Variants in GK observed in about 807,000 individuals in gnomAD.
The protein encoded by GK is ATP:glycerol 3-phosphotransferase.
GK carries 9 observed loss-of-function variants against 56.4 expected under a neutral mutation model. That is an observed-to-expected ratio of 0.16 (90% CI 0.10 to 0.28). The LOEUF (loss-of-function observed/expected upper bound fraction) is 0.28, where lower values mean the gene tolerates loss of function less well. Among genes scored for constraint, GK ranks in the 10% least tolerant of loss-of-function variants. The pLI, the probability that GK is intolerant of heterozygous loss-of-function variation, is 1.00. For missense variants in GK, 161 were observed against 431.4 expected, an observed-to-expected ratio of 0.37 and a Z score of 5.55; for synonymous variants, 104 against 144.1, an observed-to-expected ratio of 0.72 and a Z score of 1.99.
chrX:30,712,108 A>G (rs758296805), intron 13 of GK, among the ~76,000 whole-genome samples: 1 of 112,009 alleles, frequency 8.9e-6, no homozygotes, highest in South Asian at 3.7e-4. Context: ...ACTCAACATT[A>G]TGTTTGTGAG....
intron 20 of GK, among the ~76,000 whole-genome samples, chrX:30,727,973 G>T (rs1034681384): frequency 1.8e-5 from 2 of 111,174 alleles, no homozygotes; most frequent in Non-Finnish European, 3.8e-5. Context: ...TTCAATTCTG[G>T]CAAGTTTCAG....
intron 4 of GK, among the ~76,000 whole-genome samples, chrX:30,679,521 G>A (rs1934162852): frequency 8.9e-6 from 1 of 111,895 alleles, no homozygotes; most frequent in African/African-American, 3.2e-5. Flanking sequence ...TGTAAAAATG[G>A]AACTTTGGAC....
Position 30,696,700 on chromosome X carries a change from C to A in GK, c.729+17C>A, listed in dbSNP as rs41305205. 76,774 of 1,143,472 alleles carry A rather than the reference C, an allele frequency of 0.067. 2,145 individuals carry two copies. Among genetic ancestry groups the A allele is most frequent in the Non-Finnish European group, 0.078 (65,373 of 837,963 alleles). 94.2% of individuals were successfully genotyped at this position (1,143,472 alleles called of 1,213,427 possible). A position where few individuals can be genotyped will look rare whatever the true frequency, so the allele number is the denominator to read the frequency against. On this transcript the variant is annotated intron_variant, in intron 8 of 20. Coordinates refer to ENST00000427190, the MANE Select transcript of GK (RefSeq NM_001205019.2). ...GGCCTAATGGTAAAAAACAAACAAA[C>A]AAACAAAAAACACACCAAAAAACCA...
intron 1 of GK, among the ~76,000 whole-genome samples, chrX:30,660,194 A>T (rs1932647925): frequency 9.9e-6 from 1 of 100,953 alleles, no homozygotes; most frequent in South Asian, 4.0e-4. Flanking sequence ...ACTTATAGGT[A>T]ATAGTAATAA....
At position 30,731,370 on chromosome X, in the gene GK, T is replaced by G. The variant is rs1352777970; in HGVS notation, c.*2628T>G. ...CTCTTTAATAGCTTGTTTTATCTAGTAATATTTAAATAATGAAGTTTCCTT... is the reference window on the plus strand; with the variant it reads ...CTCTTTAATAGCTTGTTTTATCTAGGAATATTTAAATAATGAAGTTTCCTT... On this transcript the variant is annotated 3_prime_UTR_variant, in exon 21 of 21. Transcript: ENST00000427190. 8.9e-6 allele frequency: 1 copy of G among 112,087 alleles called. No individual in the cohort carries two copies. The highest frequency in any genetic ancestry group is 3.2e-5 in the African/African-American group (1 of 30,904). The allele number at this position is 112,087 out of a possible 1,213,427, so 9.2% of individuals were successfully genotyped here. A position where few individuals can be genotyped will look rare whatever the true frequency, so the allele number is the denominator to read the frequency against.
At chrX:30,711,793 A>C (rs893829139) in intron 13 of GK, among the ~76,000 whole-genome samples, 1 of 111,709 alleles carries the variant, frequency 9.0e-6, no homozygotes, top group Admixed American at 9.5e-5. Flanking sequence ...AAAAATTATT[A>C]TAAAGGCTCA....
chrX:30,659,054 G>A (rs780348180), intron 1 of GK, among the ~76,000 whole-genome samples: 23 of 112,115 alleles, frequency 2.1e-4, no homozygotes, highest in South Asian at 3.7e-4. Flanking sequence ...TTGAGACAGA[G>A]TTTCACTCTT....
intron 3 of GK, among the ~76,000 whole-genome samples, chrX:30,668,447 CTT>C (rs1933234068): frequency 8.9e-6 from 1 of 112,012 alleles, no homozygotes; most frequent in South Asian, 3.7e-4. Context: ...GGATGTGACA[CTT>C]TTGCTGAGCT....
intron 8 of GK, 127 bp downstream of exon 8, chrX:30,696,810 T>A (rs1935269836): frequency 5.6e-6 from 3 of 536,849 alleles, no homozygotes; most frequent in Non-Finnish European, 9.7e-6. Context: ...GTCAACTGTG[T>A]TATGTTTTGT....
At chrX:30,699,317 G>GTATATATATAACATGTT (rs1569162254) in intron 9 of GK, among the ~76,000 whole-genome samples, 22 of 93,295 alleles carry the variant, frequency 2.4e-4, no homozygotes, top group South Asian at 2.0e-3. Flanking sequence ...TATATAACAT[G>GTATATATATAACATGTT]TTATATATAT....
At chrX:30,692,385 A>G (rs1236029903) in intron 5 of GK, among the ~76,000 whole-genome samples, 1 of 111,849 alleles carries the variant, frequency 8.9e-6, no homozygotes, top group Non-Finnish European at 1.9e-5. Flanking sequence ...GATATTATGT[A>G]CTACCTCGCT....
chrX:30,704,603 C>T lies in GK; in HGVS notation c.852-2953C>T, dbSNP rs773310707. Among the ~76,000 whole-genome samples the T allele has an allele frequency of 3.8e-5, 4 of 105,885 alleles. No individual in the cohort carries two copies. In the South Asian group the frequency reaches 1.3e-3, roughly 34 times the overall value. The allele number at this position is 105,885 out of a possible 115,157, so 91.9% of individuals were successfully genotyped here. A position where few individuals can be genotyped will look rare whatever the true frequency, so the allele number is the denominator to read the frequency against. On this transcript the variant is annotated intron_variant, in intron 11 of 20. Transcript: ENST00000427190. Reference sequence around the variant, plus strand: ...TTTTTTTTTTTTTGAGATGGAGTCTCGCTCTGTCACCAGGCTGGAGTGCAG... The same window carrying T: ...TTTTTTTTTTTTTGAGATGGAGTCTTGCTCTGTCACCAGGCTGGAGTGCAG...
At chrX:30,711,116 T>C (rs150097307) in intron 13 of GK, among the ~76,000 whole-genome samples, 466 of 75,038 alleles carry the variant, frequency 6.2e-3, no homozygotes, top group African/African-American at 0.023. Flanking sequence ...TTTTTTCCTT[T>C]TTTTCTTCTT....
chrX:30,724,991 G>A (rs1042931781), intron 19 of GK, among the ~76,000 whole-genome samples: 1 of 108,962 alleles, frequency 9.2e-6, no homozygotes, highest in Non-Finnish European at 1.9e-5. Flanking sequence ...AATGATTTTC[G>A]TGCCTCAGCC....
chrX:30,728,896 A>G lies in GK; in HGVS notation c.*154A>G. On this transcript the variant is annotated 3_prime_UTR_variant, in exon 21 of 21. Transcript: ENST00000427190. ...ACCCTCCAAGTAGACCTGTGGCTTA[A>G]AATAAAGAAAATGCAGCAAAAAGAA... 2.1e-6 allele frequency: 1 copy of G among 486,367 alleles called. No individual in the cohort carries two copies. The highest frequency in any genetic ancestry group is 2.4e-5 in the African/African-American group (1 of 41,998). The allele number at this position is 486,367 out of a possible 1,213,427, so 40.1% of individuals were successfully genotyped here.
Position 30,707,613 on chromosome X carries a change from TTAAA to T in GK, c.894+16_894+19del. On this transcript the variant is annotated intron_variant, in intron 12 of 20. Transcript: ENST00000427190. ...CAGGCCATAAGGTTGGTTTTTTAAA[TTAAA>T]AAATTGATTTAAAAGTCTAAGTTCA... The T allele has an allele frequency of 1.1e-6, 1 of 931,251 alleles. No individual in the cohort carries two copies. Among genetic ancestry groups the T allele is most frequent in the Non-Finnish European group, 1.6e-6 (1 of 642,180 alleles). 76.7% of individuals were successfully genotyped at this position (931,251 alleles called of 1,213,427 possible).
At chrX:30,657,084 C>T (rs917166535) in intron 1 of GK, among the ~76,000 whole-genome samples, 23 of 112,255 alleles carry the variant, frequency 2.0e-4, no homozygotes, top group African/African-American at 6.1e-4. Flanking sequence ...CTCCTGACGT[C>T]GTGATCCACC....
intron 4 of GK, among the ~76,000 whole-genome samples, chrX:30,683,467 C>T (rs1008791995): frequency 9.0e-6 from 1 of 111,168 alleles, no homozygotes; most frequent in African/African-American, 3.3e-5. Flanking sequence ...ACTTGATAAG[C>T]AATAATTCAC....
At chrX:30,692,500 A>G (rs1480748583) in intron 5 of GK, among the ~76,000 whole-genome samples, 1 of 108,581 alleles carries the variant, frequency 9.2e-6, no homozygotes, top group East Asian at 2.9e-4. Context: ...TTTTTTCGAG[A>G]CAGGGTCTCA....
Sources: gnomAD v4.1 joint callset for allele counts (sites outside exome capture counted in the v4.1 genomes callset) on GRCh38, gnomAD v4.1.1 for gene constraint, MANE v1.5 for transcripts, NCBI Gene and HGNC (gene_info 2026-07-23, HGNC 2026-07-21) for gene names.